Variants in RNF168 observed in about 807,000 individuals in gnomAD.
RNF168 encodes the protein E3 ubiquitin-protein ligase RNF168.
Under a neutral mutation model 34.9 loss-of-function variants are expected in RNF168, and 34 were observed. That is an observed-to-expected ratio of 0.97 (90% CI 0.74 to 1.30). RNF168 has a LOEUF of 1.30. Ranked by LOEUF, RNF168 falls within the 50% of genes most tolerant of loss-of-function variation. The pLI, the probability that RNF168 is intolerant of heterozygous loss-of-function variation, is 0.00. For synonymous variants in RNF168, 264 were observed against 254.7 expected (o/e 1.04, Z -0.35); for missense variants, 725 against 682.5 (o/e 1.06, Z -0.69).
chr3:196,472,806 G>C, intron 5 of RNF168, 34 bp from the exon 6 acceptor site: 1 of 1,301,784 alleles, frequency 7.7e-7, no homozygotes, highest in Admixed American at 1.7e-5. Context: ...AGTGAACCAG[G>C]GGAAAATATC....
chr3:196,478,163 G>A (rs1252440625), intron 4 of RNF168, among the ~76,000 whole-genome samples: 1 of 150,694 alleles, frequency 6.6e-6, no homozygotes, highest in African/African-American at 2.4e-5. Context: ...TTTTTTCCTT[G>A]AGTCTGAATT....
At position 196,475,304 on chromosome 3, in the gene RNF168, G is replaced by A; in HGVS notation, c.689C>T (p.Thr230Ile). 1.2e-6 allele frequency: 2 copies of A among 1,602,444 alleles called. No individual in the cohort carries two copies. The highest frequency in any genetic ancestry group is 8.6e-7 in the Non-Finnish European group (1 of 1,169,364). The change falls in exon 5 of 6, where the codon ACA (threonine) becomes ATA (isoleucine). Residue 230 changes from threonine to isoleucine, a missense_variant. By Grantham distance (89) the Thr-to-Ile change is moderately conservative. Transcript: ENST00000318037. ...GGCTGACCCAAACTGAGATTTCGGTGTCAAATACCTAAAAGAAAAGTTTAC... is the reference window on the plus strand; with the variant it reads ...GGCTGACCCAAACTGAGATTTCGGTATCAAATACCTAAAAGAAAAGTTTAC... ...RNTGDIQKYL[T>I]PKSQFGSASH...
At chr3:196,480,324 G>C (rs961294331) in intron 4 of RNF168, among the ~76,000 whole-genome samples, 1 of 152,164 alleles carries the variant, frequency 6.6e-6, no homozygotes, top group African/African-American at 2.4e-5. Flanking sequence ...CTTGGTTGAA[G>C]GGAAAAGAAA....
chr3:196,502,956 T>A lies in RNF168; in HGVS notation c.218A>T (p.Asn73Ile). The A allele has an allele frequency of 6.2e-7, 1 of 1,614,048 alleles. No individual in the cohort carries two copies. The highest frequency in any genetic ancestry group is 8.5e-7 in the Non-Finnish European group (1 of 1,179,952). The change falls in exon 1 of 6, where the codon AAC becomes ATC. Residue 73 changes from asparagine (N) to isoleucine (I), a missense_variant. Physicochemically the swap from Asn to Ile is moderately radical, Grantham distance 149 (BLOSUM62 -3). Transcript: ENST00000318037. ...TTGAATTATCGTCCACAGTTCCACGTTGACGAGAGAATTTCTTCGGGTATG... is the reference window on the plus strand; with the variant it reads ...TTGAATTATCGTCCACAGTTCCACGATGACGAGAGAATTTCTTCGGGTATG... ...RYHTRRNSLV[N>I]VELWTIIQKH... is the part of the protein sequence containing the mutation.
intron 4 of RNF168, 87 bp downstream of exon 4, chr3:196,483,683 T>TTTGA: frequency 8.5e-7 from 1 of 1,175,514 alleles, no homozygotes; most frequent in African/African-American, 1.5e-5. Flanking sequence ...CGGACCAAAC[T>TTTGA]TTGAGAATCA....
At chr3:196,490,095 C>T (rs1577518098) in intron 1 of RNF168, among the ~76,000 whole-genome samples, 1 of 152,188 alleles carries the variant, frequency 6.6e-6, no homozygotes, top group East Asian at 1.9e-4. Context: ...AGCTTTTCTC[C>T]TGGGCCTCAT....
intron 1 of RNF168, among the ~76,000 whole-genome samples, chr3:196,496,162 G>C (rs1210045492): frequency 6.6e-6 from 1 of 152,086 alleles, no homozygotes; most frequent in Non-Finnish European, 1.5e-5. Context: ...AATATAATTA[G>C]GGATAAATAT....
chr3:196,483,940 G>A (rs1295034935), intron 3 of RNF168, 49 bp from the exon 4 acceptor site: 4 of 1,345,142 alleles, frequency 3.0e-6, no homozygotes, highest in Non-Finnish European at 4.3e-6. Flanking sequence ...AGAACTTTAT[G>A]ATAAAATAAG....
chr3:196,488,580 CA>C lies in RNF168; in HGVS notation c.378+26del, dbSNP rs62798260. The C allele has an allele frequency of 0.55, 624,151 of 1,135,280 alleles. 139,985 individuals carry two copies. Among genetic ancestry groups the C allele is most frequent in the African/African-American group, 0.73 (45,793 of 63,022 alleles). 70.3% of individuals were successfully genotyped at this position (1,135,280 alleles called of 1,614,324 possible). ...CTAAAAACACAGCAGAGAAATATTC[CA>C]AAAAAAAAAACTATTTAGCACCTAC... On this transcript the variant is annotated intron_variant, in intron 2 of 5. Transcript: ENST00000318037.
chr3:196,475,317 A>C lies in RNF168; in HGVS notation c.681-5T>G, dbSNP rs1404077523. On this transcript the variant is annotated splice_polypyrimidine_tract_variant and splice_region_variant and intron_variant, in intron 4 of 5. Coordinates refer to ENST00000318037, the MANE Select transcript of RNF168 (RefSeq NM_152617.4). ...TGAGATTTCGGTGTCAAATACCTAA[A>C]AGAAAAGTTTACCAAAGTTTCAATG... 6.3e-7 allele frequency: 1 copy of C among 1,582,318 alleles called. No homozygotes were observed.
intron 4 of RNF168, among the ~76,000 whole-genome samples, chr3:196,479,880 C>T (rs932534112): frequency 3.3e-5 from 5 of 152,332 alleles, no homozygotes; most frequent in African/African-American, 1.2e-4. Context: ...GCATAAGCTA[C>T]TGCGCCCGGC....
chr3:196,478,999 A>G (rs6800469), intron 4 of RNF168, among the ~76,000 whole-genome samples: 148,685 of 149,194 alleles, frequency 1, 74,108 homozygotes, highest in Middle Eastern at 1. Context: ...GAGCCACCGC[A>G]CCTGGCCATT....
At chr3:196,476,901 C>T (rs549594387) in intron 4 of RNF168, among the ~76,000 whole-genome samples, 1 of 152,022 alleles carries the variant, frequency 6.6e-6, no homozygotes, top group African/African-American at 2.4e-5. Flanking sequence ...GCACACGCCA[C>T]CATGCCCTGC....
At position 196,503,059 on chromosome 3, in the gene RNF168, A is replaced by G. The variant is rs751110042; in HGVS notation, c.115T>C (p.Cys39Arg). ...GCCTTTTCGACGGTCGACTGGAAGC[A>G]CGGTTTACACAGCGTGTGGTTACAC... Reference protein sequence around the residue: ...LPCNHTLCKPCFQSTVEKASL... With the variant: ...LPCNHTLCKPRFQSTVEKASL... Residue 39 changes from cysteine to arginine, a missense_variant, in exon 1 of 6, where the codon TGC (cysteine) becomes CGC (arginine). Cys to Arg is a radical substitution (Grantham distance 180). Transcript: ENST00000318037. 1.9e-6 allele frequency: 3 copies of G among 1,614,196 alleles called. No homozygotes were observed. Among genetic ancestry groups the G allele is most frequent in the Admixed American group, 1.7e-5 (1 of 60,030 alleles).
intron 4 of RNF168, among the ~76,000 whole-genome samples, chr3:196,479,019 A>T (rs375422791): frequency 1.5e-4 from 20 of 135,022 alleles, no homozygotes; most frequent in East Asian, 4.4e-4. Context: ...TATTTTATTT[A>T]TTTTTTTTTG....
At position 196,503,072 on chromosome 3, in the gene RNF168, C is replaced by T; in HGVS notation, c.102G>A (p.Thr34=). 1 of 1,614,158 alleles carries T rather than the reference C, an allele frequency of 6.2e-7. No individual in the cohort carries two copies. The highest frequency in any genetic ancestry group is 8.5e-7 in the Non-Finnish European group (1 of 1,180,028). ...TCGACTGGAAGCACGGTTTACACAG[C>T]GTGTGGTTACACGGGAGGGTGACGG... The part of the protein sequence containing the change: ...VEPVTLPCNH[T]LCKPCFQSTV... Residue 34 remains threonine (T), a synonymous_variant, in exon 1 of 6, where the codon ACG becomes ACA. Transcript: ENST00000318037.
intron 3 of RNF168, among the ~76,000 whole-genome samples, chr3:196,485,740 C>T (rs1732407501): frequency 6.6e-6 from 1 of 152,014 alleles, no homozygotes; most frequent in Admixed American, 6.6e-5. Flanking sequence ...AAAAAAATTC[C>T]CAATTCTGCG....
chr3:196,474,357 G>A (rs1273780962), intron 5 of RNF168, among the ~76,000 whole-genome samples: 2 of 148,946 alleles, frequency 1.3e-5, no homozygotes, highest in Admixed American at 6.8e-5. Context: ...GGCTGGTCTC[G>A]AACTCCCAAC....
intron 5 of RNF168, among the ~76,000 whole-genome samples, chr3:196,473,642 G>A (rs138171160): frequency 1.3e-3 from 202 of 152,218 alleles, no homozygotes; most frequent in Non-Finnish European, 2.3e-3. Flanking sequence ...CTCACCTGAG[G>A]TCAGGAGTTT....
Sources: gnomAD v4.1 joint callset for allele counts (sites outside exome capture counted in the v4.1 genomes callset) on GRCh38, gnomAD v4.1.1 for gene constraint, MANE v1.5 for transcripts, NCBI Gene and HGNC (gene_info 2026-07-23, HGNC 2026-07-21) for gene names.